ACSF3: variants seen among roughly 807,000 people sequenced by gnomAD.
ACSF3 encodes acyl-CoA synthetase family member 3, also known as malonate--CoA ligase ACSF3, mitochondrial.
ACSF3 carries 78 observed loss-of-function variants against 53.2 expected under a neutral mutation model. The observed-to-expected ratio is 1.47, with a 90% confidence interval of 1.22 to 1.77. The LOEUF (loss-of-function observed/expected upper bound fraction) is 1.77. Ranked by LOEUF, ACSF3 falls within the 40% of genes most tolerant of loss-of-function variation. The probability of loss-of-function intolerance (pLI) is 0.00; values close to 1 mark genes in which losing one functional copy is unlikely to be tolerated. For missense variants in ACSF3, 937 were observed against 771.1 expected, an observed-to-expected ratio of 1.22 and a Z score of -2.55; for synonymous variants, 414 against 333.1, an observed-to-expected ratio of 1.24 and a Z score of -2.65.
rs567351390 is a variant in ACSF3 at position 89,130,606 on chromosome 16, C to G, written c.1240-2530C>G. Among the ~76,000 whole-genome samples the G allele has an allele frequency of 2.6e-5, 4 of 152,256 alleles. No individual in the cohort carries two copies. The East Asian group carries it at 5.8e-4, about 22-fold the overall frequency. ...TACTACTAATAATATAACTCCACTTCTTTCCGGCCTCCATTGTTTCCGTGG... is the reference window on the plus strand; with the variant it reads ...TACTACTAATAATATAACTCCACTTGTTTCCGGCCTCCATTGTTTCCGTGG... On this transcript the variant is annotated intron_variant, in intron 7 of 10. Coordinates refer to ENST00000614302, the MANE Select transcript of ACSF3 (RefSeq NM_001243279.3).
intron 6 of ACSF3, among the ~76,000 whole-genome samples, chr16:89,118,397 C>A (rs1001349630): frequency 1.3e-5 from 2 of 152,238 alleles, no homozygotes; most frequent in African/African-American, 4.8e-5. Context: ...CAAAATGCAG[C>A]CTCCTGAGCC....
chr16:89,153,505 G>A (rs1218545962), intron 10 of ACSF3: 2 of 156,810 alleles, frequency 1.3e-5, no homozygotes, highest in African/African-American at 4.8e-5. Context: ...ATGAGGAAGG[G>A]GGACCCTGAG....
At chr16:89,094,169 C>T (rs923636106) in intron 1 of ACSF3, among the ~76,000 whole-genome samples, 173 bp downstream of exon 1, 5 of 151,340 alleles carry the variant, frequency 3.3e-5, no homozygotes, top group Non-Finnish European at 7.4e-5. Context: ...CCCGGGACGC[C>T]GAGCCTCTCG....
rs1374156641 is a variant in ACSF3, at chr16:89,155,452, C to T, written c.*1245C>T. Reference sequence around the variant, plus strand: ...CCTGCTCACTTGAGCATGTCGCCCACCAAGCTTGTCTGAGGCCACAGAGCA... The same window carrying T: ...CCTGCTCACTTGAGCATGTCGCCCATCAAGCTTGTCTGAGGCCACAGAGCA... On this transcript the variant is annotated 3_prime_UTR_variant, in exon 11 of 11. Transcript: ENST00000614302. 1 of 454,154 alleles carries T rather than the reference C, an allele frequency of 2.2e-6. No individual in the cohort carries two copies. The highest frequency in any genetic ancestry group is 4.4e-6 in the Non-Finnish European group (1 of 226,800). The allele number at this position is 454,154 out of a possible 1,614,324, so 28.1% of individuals were successfully genotyped here.
At chr16:89,103,714 G>A (rs1299081229) in intron 4 of ACSF3, among the ~76,000 whole-genome samples, 2 of 152,228 alleles carry the variant, frequency 1.3e-5, no homozygotes, top group African/African-American at 2.4e-5. Context: ...GCTGCTTGCT[G>A]CGGAGGGTTA....
intron 1 of ACSF3, among the ~76,000 whole-genome samples, chr16:89,094,802 C>G (rs954702710): frequency 1.3e-5 from 2 of 152,234 alleles, no homozygotes; most frequent in South Asian, 4.1e-4. Context: ...GGCTGAGGCA[C>G]GAGGATTTCT....
chr16:89,124,736 T>G (rs1422368092), intron 7 of ACSF3, among the ~76,000 whole-genome samples: 1 of 152,004 alleles, frequency 6.6e-6, no homozygotes, highest in Non-Finnish European at 1.5e-5. Context: ...TATACGTGTG[T>G]GTTACCTGTG....
At chr16:89,135,932 GC>G (rs1244961310) in intron 8 of ACSF3, among the ~76,000 whole-genome samples, 1 of 152,188 alleles carries the variant, frequency 6.6e-6, no homozygotes, top group East Asian at 1.9e-4. Flanking sequence ...CCGCCACCAC[GC>G]CCGGCTAATT....
rs574367852 is a variant in ACSF3, at chr16:89,135,936, G to A, written c.1366+2674G>A. Among the ~76,000 whole-genome samples, 27 of 152,326 alleles carry A rather than the reference G, an allele frequency of 1.8e-4. No individual in the cohort carries two copies. The South Asian group carries it at 4.1e-3, about 23-fold the overall frequency. On this transcript the variant is annotated intron_variant, in intron 8 of 10. Transcript: ENST00000614302. Reference sequence around the variant, plus strand: ...ATTACAGGCGCCCGCCACCACGCCCGGCTAATTTTTGTATTTTTAGTAAAG... The same window carrying A: ...ATTACAGGCGCCCGCCACCACGCCCAGCTAATTTTTGTATTTTTAGTAAAG...
chr16:89,133,071 T>G, intron 7 of ACSF3, 65 bp from the exon 8 acceptor site: 6 of 1,610,280 alleles, frequency 3.7e-6, no homozygotes, highest in Non-Finnish European at 5.1e-6. Context: ...GCCCACAGTT[T>G]CAGAAAGCAC....
At chr16:89,107,026 C>G (rs1222632002) in intron 4 of ACSF3, among the ~76,000 whole-genome samples, 2 of 152,268 alleles carry the variant, frequency 1.3e-5, no homozygotes, top group East Asian at 1.9e-4. Context: ...TCCTCAGGAT[C>G]GCAGCATGGA....
At chr16:89,142,612 C>G (rs577735417) in intron 8 of ACSF3, among the ~76,000 whole-genome samples, 4 of 150,356 alleles carry the variant, frequency 2.7e-5, no homozygotes, top group East Asian at 2.0e-4. Flanking sequence ...TGCAGACACA[C>G]CCACACCTGC....
At chr16:89,124,034 TGGTATCACACACATGCAGTGCATGAACG>T in intron 7 of ACSF3, among the ~76,000 whole-genome samples, 1 of 151,378 alleles carries the variant, frequency 6.6e-6, no homozygotes, top group South Asian at 2.1e-4. Flanking sequence ...GTGTGCACAC[TGGTATCACACACATGCAGTGCATGAACG>T]GGTATCACAC....
chr16:89,097,041 G>A (rs1049592113), intron 1 of ACSF3, among the ~76,000 whole-genome samples: 4 of 152,254 alleles, frequency 2.6e-5, no homozygotes, highest in African/African-American at 9.6e-5. Flanking sequence ...TGAGCTCTGG[G>A]TTTTGTGGGG....
chr16:89,133,202 T>C lies in ACSF3; in HGVS notation c.1306T>C (p.Tyr436His). The change falls in exon 8 of 11, where the codon TAC becomes CAC. Residue 436 changes from tyrosine to histidine, a missense_variant. Tyr to His is a moderately conservative substitution (Grantham distance 83). Transcript: ENST00000614302. ...LVRGPSVFRE[Y>H]WNKPEETKSA... ...GAGGGGACCCTCCGTGTTTCGAGAA[T>C]ACTGGAATAAACCAGAAGAAACTAA... is the stretch of plus-strand genomic sequence containing the variant. The C allele has an allele frequency of 3.1e-6, 5 of 1,614,100 alleles. No homozygotes were observed. Among genetic ancestry groups the C allele is most frequent in the Non-Finnish European group, 4.2e-6 (5 of 1,180,020 alleles).
chr16:89,141,331 G>C, intron 8 of ACSF3: 1 of 1,272,970 alleles, frequency 7.9e-7, no homozygotes, highest in Non-Finnish European at 1.0e-6. Context: ...GACCCTCGGA[G>C]CTGAGACTGC....
rs529077382 is a variant in ACSF3 at position 89,141,137 on chromosome 16, G to C, written c.1367-4130G>C. ...TCGCTGCCGCAGGACCTCCTCCCGC[G>C]GGGTGTCCGACCCGCTCTTGCTTGG... On this transcript the variant is annotated intron_variant, in intron 8 of 10. Transcript: ENST00000614302. 6.5e-4 allele frequency: 842 copies of C among 1,287,222 alleles called. 4 individuals carry two copies. The African/African-American group carries it at 0.011, about 18-fold the overall frequency. 79.7% of individuals were successfully genotyped at this position (1,287,222 alleles called of 1,614,324 possible). A position where few individuals can be genotyped will look rare whatever the true frequency, so the allele number is the denominator to read the frequency against.
At chr16:89,100,592 TA>T in intron 2 of ACSF3, 69 bp from the exon 3 acceptor site, 1 of 1,459,356 alleles carries the variant, frequency 6.9e-7, no homozygotes, top group Non-Finnish European at 9.2e-7. Flanking sequence ...GGAGGTGTTT[TA>T]AATCCTGTCT....
intron 6 of ACSF3, among the ~76,000 whole-genome samples, chr16:89,120,075 A>G (rs1192181350): frequency 6.6e-6 from 1 of 152,232 alleles, no homozygotes; most frequent in Non-Finnish European, 1.5e-5. Flanking sequence ...CTGCCGTCCC[A>G]CCAGCAACCT....
Sources: gnomAD v4.1 joint callset for allele counts (sites outside exome capture counted in the v4.1 genomes callset) on GRCh38, gnomAD v4.1.1 for gene constraint, MANE v1.5 for transcripts, NCBI Gene and HGNC (gene_info 2026-07-23, HGNC 2026-07-21) for gene names.